Variants in ERG observed in about 807,000 individuals in gnomAD.
ERG encodes the protein transcriptional regulator ERG.
In ERG, 9 loss-of-function variants were observed where a neutral mutation model predicts 55.3. The ratio of observed to expected loss-of-function variants is 0.16; its 90% CI spans 0.10 to 0.28. The LOEUF (loss-of-function observed/expected upper bound fraction) is 0.28, where lower values mean the gene tolerates loss of function less well. ERG is among the 10% of genes least tolerant of loss of function. The pLI is 1.00. For synonymous variants in ERG, 223 were observed against 237.3 expected (o/e 0.94, Z 0.55); for missense variants, 434 against 631.6 (o/e 0.69, Z 3.35).
At chr21:38,515,671 G>C (rs1354262862) in intron 2 of ERG, among the ~76,000 whole-genome samples, 2 of 151,830 alleles carry the variant, frequency 1.3e-5, no homozygotes, top group Non-Finnish European at 3.0e-5. Context: ...AGTTCAGCAT[G>C]GATACAGGCC....
chr21:38,388,506 G>A (rs1016640418), intron 9 of ERG, among the ~76,000 whole-genome samples: 5 of 152,090 alleles, frequency 3.3e-5, no homozygotes, highest in African/African-American at 1.2e-4. Flanking sequence ...ATTTATCAGA[G>A]AATAGAAAAA....
At chr21:38,592,885 C>T (rs1196790410) in intron 1 of ERG, among the ~76,000 whole-genome samples, 2 of 152,198 alleles carry the variant, frequency 1.3e-5, no homozygotes, top group Non-Finnish European at 2.9e-5. Flanking sequence ...TTTCATGTTG[C>T]TTTGGAGGGT....
At chr21:38,612,506 T>TAGAGAAAGGTGAGGGGGTATTTTTCAAG (rs1230122115) in intron 1 of ERG, among the ~76,000 whole-genome samples, 1 of 152,210 alleles carries the variant, frequency 6.6e-6, no homozygotes, top group Non-Finnish European at 1.5e-5. Context: ...AGAGCATCTG[T>TAGAGAAAGGTGAGGGGGTATTTTTCAAG]ACATATTAAA....
At chr21:38,498,497 G>C (rs1019150907), upstream of ERG, 1 of 1,471,442 alleles carries the variant, frequency 6.8e-7, no homozygotes, top group Non-Finnish European at 9.0e-7. This position sits in a 1 kb window ranked among gnomAD's most constrained non-coding sequence, Gnocchi z 4.6. Context: ...CTAAGTCTGG[G>C]AAATGAAGTC....
At chr21:38,640,639 A>T (rs1353743714) in intron 1 of ERG, among the ~76,000 whole-genome samples, 3 of 152,014 alleles carry the variant, frequency 2.0e-5, no homozygotes, top group Non-Finnish European at 2.9e-5. Context: ...TGTGCCTTTC[A>T]CCTTCTGCCA....
chr21:38,584,067 C>T (rs2060047119), intron 1 of ERG, among the ~76,000 whole-genome samples: 1 of 152,188 alleles, frequency 6.6e-6, no homozygotes, highest in Non-Finnish European at 1.5e-5. Flanking sequence ...TTTAATTGTA[C>T]CATTTCTCAC....
the ERG span, among the ~76,000 whole-genome samples, chr21:38,369,477 T>C: frequency 6.6e-6 from 1 of 152,152 alleles, no homozygotes; most frequent in Non-Finnish European, 1.5e-5. Context: ...TTCTTTTCTT[T>C]GTAAAGAAAT....
At chr21:38,538,809 C>A (rs2059730323) in intron 2 of ERG, among the ~76,000 whole-genome samples, 1 of 151,986 alleles carries the variant, frequency 6.6e-6, no homozygotes, top group Non-Finnish European at 1.5e-5. Flanking sequence ...CCATGGTTGA[C>A]TAGCACATGA....
chr21:38,617,080 C>T (rs2060263481), intron 1 of ERG, among the ~76,000 whole-genome samples: 1 of 152,152 alleles, frequency 6.6e-6, no homozygotes, highest in Non-Finnish European at 1.5e-5. Context: ...CTCTCCAAAC[C>T]CAACCTCTGA....
At chr21:38,428,671 AC>A (rs1478953487) in intron 2 of ERG, among the ~76,000 whole-genome samples, 2 of 152,138 alleles carry the variant, frequency 1.3e-5, no homozygotes, top group Admixed American at 6.5e-5. Context: ...ACATACACAT[AC>A]TTTTAAACAT....
intron 2 of ERG, among the ~76,000 whole-genome samples, chr21:38,560,841 T>A (rs1218042459): frequency 7.2e-5 from 11 of 152,236 alleles, no homozygotes; most frequent in African/African-American, 2.7e-4. Context: ...CAAATGTTGC[T>A]GTTTACATGA....
chr21:38,538,485 A>C (rs2059727926), intron 2 of ERG, among the ~76,000 whole-genome samples: 1 of 151,822 alleles, frequency 6.6e-6, no homozygotes, highest in Admixed American at 6.6e-5. Context: ...TGACCTACGG[A>C]GTAATGGGCT....
intron 2 of ERG, among the ~76,000 whole-genome samples, chr21:38,542,728 G>T (rs1251965948): frequency 6.6e-6 from 1 of 152,102 alleles, no homozygotes; most frequent in Non-Finnish European, 1.5e-5. Flanking sequence ...AGGACCAATG[G>T]GGTGATAAGA....
intron 1 of ERG, among the ~76,000 whole-genome samples, chr21:38,592,275 G>A (rs973105): frequency 0.19 from 28,878 of 152,162 alleles, 2,816 homozygotes; most frequent in East Asian, 0.29. Context: ...CGGCTCTAGC[G>A]AGTTGGGAGG....
intron 3 of ERG, among the ~76,000 whole-genome samples, chr21:38,417,639 A>C (rs1042511511): frequency 6.6e-6 from 1 of 152,058 alleles, no homozygotes; most frequent in Non-Finnish European, 1.5e-5. Flanking sequence ...AAATACAAAA[A>C]TTAGCTGGCT....
At chr21:38,591,916 GA>G (rs1393774888) in intron 1 of ERG, among the ~76,000 whole-genome samples, 2 of 152,214 alleles carry the variant, frequency 1.3e-5, no homozygotes, top group Non-Finnish European at 2.9e-5. Context: ...TGAAGGATGA[GA>G]AAAGCAGGTA....
chr21:38,432,695 C>T (rs1011604120), intron 2 of ERG, among the ~76,000 whole-genome samples: 11 of 152,164 alleles, frequency 7.2e-5, no homozygotes, highest in African/African-American at 2.7e-4. Context: ...CAGAAATACT[C>T]GAAAGCAGGA....
At chr21:38,511,246 A>G (rs528130774) in intron 2 of ERG, among the ~76,000 whole-genome samples, 1 of 152,340 alleles carries the variant, frequency 6.6e-6, no homozygotes, top group African/African-American at 2.4e-5. Context: ...ACATTCAATC[A>G]ATATTTTGTC....
chr21:38,480,612 T>TTTTTTTTTC (rs2059230121), intron 1 of ERG, among the ~76,000 whole-genome samples: 1 of 134,802 alleles, frequency 7.4e-6, no homozygotes, highest in Admixed American at 8.0e-5. Context: ...TTTTTTTTTT[T>TTTTTTTTTC]TTGCCTTATA....
Sources: allele counts gnomAD v4.1 joint callset (sites outside exome capture counted in the v4.1 genomes callset), GRCh38; gene constraint gnomAD v4.1.1; non-coding constraint Gnocchi (gnomAD v3.1); transcripts MANE v1.5; gene names NCBI Gene and HGNC (gene_info 2026-07-23, HGNC 2026-07-21).